Variants in TYW1 observed in about 807,000 individuals in gnomAD.
The protein encoded by TYW1 is tRNA-yW synthesizing protein 1 homolog.
Under a neutral mutation model 96.2 loss-of-function variants are expected in TYW1, and 46 were observed. The observed-to-expected ratio is 0.48, with a 90% CI of 0.38 to 0.61. The LOEUF is 0.61. TYW1 is among the 20% of genes least tolerant of loss of function. The pLI is 0.00. For missense variants in TYW1, 684 were observed against 909.6 expected (o/e 0.75, Z 3.19); for synonymous variants, 274 against 323.0 (o/e 0.85, Z 1.63).
chr7:67,220,446 G>A (rs1350116685), intron 15 of TYW1, among the ~76,000 whole-genome samples: 2 of 151,858 alleles, frequency 1.3e-5, no homozygotes, highest in South Asian at 2.1e-4. Flanking sequence ...CTCGTGATCC[G>A]CCTGCCTTGG....
At chr7:67,120,517 T>A (rs11760968) in intron 13 of TYW1, among the ~76,000 whole-genome samples, 41 of 152,198 alleles carry the variant, frequency 2.7e-4, no homozygotes, top group African/African-American at 9.9e-4. Flanking sequence ...AAATCCATGC[T>A]TTCTTTGGTT....
At chr7:67,018,824 C>T (rs1172623522) in intron 6 of TYW1, among the ~76,000 whole-genome samples, 4 of 151,464 alleles carry the variant, frequency 2.6e-5, no homozygotes, top group Non-Finnish European at 5.9e-5. Context: ...GGTGTGGTGG[C>T]GGGCACCTGT....
At chr7:67,029,434 A>ATATATATATAT (rs1251271240) in intron 7 of TYW1, among the ~76,000 whole-genome samples, 3 of 60,388 alleles carry the variant, frequency 5.0e-5, no homozygotes, top group African/African-American at 1.2e-4. Flanking sequence ...TATATATATA[A>ATATATATATAT]ATAGTATTTT....
chr7:67,036,561 G>C (rs185917809), intron 7 of TYW1, among the ~76,000 whole-genome samples: 2 of 152,336 alleles, frequency 1.3e-5, no homozygotes, highest in East Asian at 1.9e-4. Context: ...CAGAGGTCAG[G>C]AGGGCCCCTT....
chr7:67,014,628 A>G lies in TYW1; in HGVS notation c.570+67A>G, dbSNP rs1056949412. On this transcript the variant is annotated intron_variant, in intron 5 of 15. Coordinates refer to ENST00000359626, the MANE Select transcript of TYW1 (RefSeq NM_018264.4). ...ACACACACACACGCACACACACGTA[A>G]ACACACACACGTGCACACACGCACA... The G allele has an allele frequency of 6.8e-6, 10 of 1,473,882 alleles. No homozygotes were observed. The African/African-American group carries it at 1.4e-4, about 20-fold the overall frequency. The allele number at this position is 1,473,882 out of a possible 1,614,324, so 91.3% of individuals were successfully genotyped here.
At chr7:67,056,492 CAAA>C (rs911271482) in intron 9 of TYW1, among the ~76,000 whole-genome samples, 7 of 65,850 alleles carry the variant, frequency 1.1e-4, no homozygotes, top group Admixed American at 1.7e-4. Context: ...GATTCCATCT[CAAA>C]AAAAAAAAAA....
chr7:67,148,512 G>A (rs10228714), intron 13 of TYW1, among the ~76,000 whole-genome samples: 37,943 of 144,376 alleles, frequency 0.26, 5,319 homozygotes, highest in African/African-American at 0.38. Context: ...TGCAAGCTCC[G>A]CCCCCCGGGT....
intron 15 of TYW1, among the ~76,000 whole-genome samples, chr7:67,236,016 T>C (rs1038664575): frequency 3.3e-5 from 5 of 151,972 alleles, no homozygotes; most frequent in African/African-American, 1.2e-4. Flanking sequence ...TGGGGTGGAA[T>C]GCAGGAGGAA....
intron 12 of TYW1, among the ~76,000 whole-genome samples, chr7:67,106,374 A>G (rs1797244781): frequency 6.6e-6 from 1 of 152,214 alleles, no homozygotes. Flanking sequence ...TTGCAGTCCT[A>G]GAGAGGTGCA....
chr7:67,079,171 G>GTGTGTGT (rs1554359509), intron 10 of TYW1, among the ~76,000 whole-genome samples: 1,502 of 148,904 alleles, frequency 0.01, 9 homozygotes, highest in South Asian at 0.022. Flanking sequence ...TCGTGTGAGA[G>GTGTGTGT]GTGTGTGTGT....
chr7:67,218,139 G>A (rs1199945058), intron 15 of TYW1, among the ~76,000 whole-genome samples: 1 of 151,844 alleles, frequency 6.6e-6, no homozygotes, highest in Non-Finnish European at 1.5e-5. Flanking sequence ...GATTACAGGT[G>A]TGAGCCACCA....
chr7:67,028,870 C>G (rs918457341), intron 7 of TYW1, among the ~76,000 whole-genome samples: 8 of 152,138 alleles, frequency 5.3e-5, no homozygotes, highest in South Asian at 2.1e-4. Flanking sequence ...CTGTCGAATA[C>G]TGGTTGAAAA....
intron 15 of TYW1, among the ~76,000 whole-genome samples, chr7:67,219,880 A>T (rs1195717508): frequency 2.9e-5 from 4 of 137,236 alleles, no homozygotes; most frequent in African/African-American, 5.5e-5. Context: ...TATTTTGTTA[A>T]TCTCTGCTCT....
intron 13 of TYW1, among the ~76,000 whole-genome samples, chr7:67,152,321 C>A (rs35408354): frequency 0.26 from 39,466 of 152,092 alleles, 5,602 homozygotes; most frequent in African/African-American, 0.38. Context: ...ATGAATTGCC[C>A]TATCTATAAT....
chr7:67,009,872 G>C (rs1276511004), intron 4 of TYW1, 188 bp downstream of exon 4: 5 of 589,082 alleles, frequency 8.5e-6, no homozygotes, highest in African/African-American at 1.9e-5. Context: ...TGATTCTCAC[G>C]TGGTGTGGGG....
At chr7:67,058,588 A>G (rs1795601767) in intron 9 of TYW1, among the ~76,000 whole-genome samples, 1 of 151,392 alleles carries the variant, frequency 6.6e-6, no homozygotes, top group Admixed American at 6.6e-5. Flanking sequence ...GGCTGAAGTG[A>G]TCCTCCCTCC....
chr7:67,011,307 G>A (rs1363937556), intron 4 of TYW1, among the ~76,000 whole-genome samples: 1 of 152,230 alleles, frequency 6.6e-6, no homozygotes, highest in East Asian at 1.9e-4. Flanking sequence ...CATAGTGCTG[G>A]GTTCACAGGC....
At chr7:67,228,442 A>T (rs1050995360) in intron 15 of TYW1, among the ~76,000 whole-genome samples, 2 of 152,208 alleles carry the variant, frequency 1.3e-5, no homozygotes, top group African/African-American at 2.4e-5. Context: ...GGTCCCTCCC[A>T]CAACACATGG....
intron 10 of TYW1, among the ~76,000 whole-genome samples, chr7:67,074,629 A>G (rs1391127667): frequency 6.6e-6 from 1 of 152,258 alleles, no homozygotes; most frequent in Non-Finnish European, 1.5e-5. Flanking sequence ...AATGAAATAT[A>G]TAACAAGAAT....
Sources: allele counts gnomAD v4.1 joint callset (sites outside exome capture counted in the v4.1 genomes callset), GRCh38; gene constraint gnomAD v4.1.1; transcripts MANE v1.5; gene names NCBI Gene and HGNC (gene_info 2026-07-23, HGNC 2026-07-21).